TXK: variants seen among roughly 807,000 people sequenced by gnomAD.
TXK encodes tyrosine-protein kinase TXK.
TXK carries 60 observed loss-of-function variants against 81.0 expected under a neutral mutation model. The ratio of observed to expected loss-of-function variants is 0.74; its 90% CI spans 0.60 to 0.92. The LOEUF is 0.92. Among genes scored for constraint, TXK ranks in the 40% least tolerant of loss-of-function variants. The pLI is 0.00. For missense variants in TXK, 581 were observed against 638.3 expected, an observed-to-expected ratio of 0.91 and a Z score of 0.97; for synonymous variants, 203 against 210.7, an observed-to-expected ratio of 0.96 and a Z score of 0.32.
rs138023684 is a variant in TXK, at chr4:48,086,310, C to T, written c.956+156G>A. On this transcript the variant is annotated intron_variant, in intron 10 of 14. Transcript: ENST00000264316. Reference sequence around the variant, plus strand: ...GGCTTGGAAAGGTGAAATAATTCACCCAGGTCACACAGTGGTCAAATAATG... The same window carrying T: ...GGCTTGGAAAGGTGAAATAATTCACTCAGGTCACACAGTGGTCAAATAATG... 3.1e-3 allele frequency among the ~76,000 whole-genome samples: 470 copies of T among 152,236 alleles called. 3 individuals carry two copies. Among genetic ancestry groups the T allele is most frequent in the Non-Finnish European group, 5.3e-3 (358 of 68,028 alleles).
At chr4:48,092,772 C>T (rs754128459) in intron 8 of TXK, among the ~76,000 whole-genome samples, 1 of 152,156 alleles carries the variant, frequency 6.6e-6, no homozygotes, top group Non-Finnish European at 1.5e-5. Flanking sequence ...GGCATGCCCT[C>T]ACTACTACTG....
intron 1 of TXK, among the ~76,000 whole-genome samples, chr4:48,132,548 C>T (rs1320659147): frequency 6.6e-6 from 1 of 152,160 alleles, no homozygotes; most frequent in Non-Finnish European, 1.5e-5. Context: ...TACACACACT[C>T]CCTTTGAGAG....
chr4:48,120,577 G>C (rs532788915), intron 1 of TXK, among the ~76,000 whole-genome samples: 2 of 150,972 alleles, frequency 1.3e-5, no homozygotes, highest in African/African-American at 2.4e-5. Flanking sequence ...TGCAATCTCC[G>C]GCTCCCAGGT....
chr4:48,128,497 T>C (rs1310512211), intron 1 of TXK, among the ~76,000 whole-genome samples: 3 of 151,654 alleles, frequency 2.0e-5, no homozygotes, highest in Non-Finnish European at 2.9e-5. Flanking sequence ...TGTTTTTTTT[T>C]CCAGAAATTT....
intron 14 of TXK, among the ~76,000 whole-genome samples, chr4:48,069,146 T>A (rs951540933): frequency 2.0e-5 from 3 of 151,926 alleles, no homozygotes; most frequent in Non-Finnish European, 4.4e-5. Flanking sequence ...GAAAAAATTT[T>A]AAAAAATTAG....
At chr4:48,076,303 C>T in intron 12 of TXK, 99 bp downstream of exon 12, 1 of 914,602 alleles carries the variant, frequency 1.1e-6, no homozygotes, top group Non-Finnish European at 1.6e-6. Flanking sequence ...GATAAAAACA[C>T]AGCCTGCAGC....
At chr4:48,118,603 C>G (rs577529437) in intron 1 of TXK, among the ~76,000 whole-genome samples, 5 of 152,146 alleles carry the variant, frequency 3.3e-5, no homozygotes, top group Admixed American at 1.3e-4. Context: ...TTAGTCTTTA[C>G]CAGTAGAAAG....
At chr4:48,129,174 A>T (rs1719175745) in intron 1 of TXK, among the ~76,000 whole-genome samples, 1 of 152,142 alleles carries the variant, frequency 6.6e-6, no homozygotes, top group African/African-American at 2.4e-5. Flanking sequence ...CCCTTTATAC[A>T]TTTGGGGTCT....
chr4:48,131,424 ATCT>A (rs1719245218), intron 1 of TXK, among the ~76,000 whole-genome samples: 2 of 149,830 alleles, frequency 1.3e-5, no homozygotes, highest in African/African-American at 2.4e-5. Flanking sequence ...AGCTTAAGCA[ATCT>A]TCTTCGCTGG....
rs748470463 is a variant in TXK, at chr4:48,071,535, C to T, written c.1497G>A (p.Met499Ile). ...TGCTTACCTCATGCCAGCAGCTGTA[C>T]ATGACTTCATATATGGACATTGGTG... ...HLAPMSIYEV[M>I]YSCWHEKPEG... The change falls in exon 14 of 15, where the codon ATG becomes ATA. Residue 499 changes from methionine (M) to isoleucine (I), a missense_variant. By Grantham distance (10) the Met-to-Ile change is conservative. Transcript: ENST00000264316. 1 of 1,614,010 alleles carries T rather than the reference C, an allele frequency of 6.2e-7. No homozygotes were observed. The highest frequency in any genetic ancestry group is 8.5e-7 in the Non-Finnish European group (1 of 1,179,976).
At chr4:48,126,403 A>G (rs1719092287) in intron 1 of TXK, among the ~76,000 whole-genome samples, 1 of 152,208 alleles carries the variant, frequency 6.6e-6, no homozygotes. Context: ...ATCAACATTT[A>G]TGTTATTGAG....
At chr4:48,083,317 T>A (rs1405633690) in intron 10 of TXK, among the ~76,000 whole-genome samples, 1 of 152,218 alleles carries the variant, frequency 6.6e-6, no homozygotes, top group Admixed American at 6.5e-5. Context: ...GTCCTGCAAG[T>A]GGGGGCCAGA....
chr4:48,095,116 A>T (rs374960748), intron 7 of TXK, 27 bp downstream of exon 7: 1 of 1,546,066 alleles, frequency 6.5e-7, no homozygotes. Flanking sequence ...GATTATTTCT[A>T]TAGTAACCAA....
intron 5 of TXK, among the ~76,000 whole-genome samples, chr4:48,110,193 G>A (rs1038986149): frequency 1.3e-5 from 2 of 152,044 alleles, no homozygotes; most frequent in African/African-American, 4.8e-5. Flanking sequence ...CCAAAATATA[G>A]TACTTTATCT....
rs770577190 is a variant in TXK, at chr4:48,076,392, T to C, written c.1238+10A>G. Reference sequence around the variant, plus strand: ...CAAACAAAATACATATATATATACATAGCATGTACCTTGTCATTCCAAAGT... The same window carrying C: ...CAAACAAAATACATATATATATACACAGCATGTACCTTGTCATTCCAAAGT... On this transcript the variant is annotated intron_variant, in intron 12 of 14. Coordinates refer to ENST00000264316, the MANE Select transcript of TXK (RefSeq NM_003328.3). 3 of 1,580,930 alleles carry C rather than the reference T, an allele frequency of 1.9e-6. No homozygotes were observed. Among genetic ancestry groups the C allele is most frequent in the Non-Finnish European group, 2.6e-6 (3 of 1,154,016 alleles).
At chr4:48,084,452 T>G (rs1313126379) in intron 10 of TXK, among the ~76,000 whole-genome samples, 4 of 152,168 alleles carry the variant, frequency 2.6e-5, no homozygotes, top group Middle Eastern at 3.2e-3. Context: ...ACATTAAACA[T>G]CTTCAATTCT....
chr4:48,110,721 T>G, intron 4 of TXK, 118 bp from the exon 5 acceptor site: 1 of 745,190 alleles, frequency 1.3e-6, no homozygotes, highest in Middle Eastern at 2.5e-4. Context: ...TTTTACTGAT[T>G]AAATTGTTAA....
At chr4:48,121,010 C>G (rs1469852571) in intron 1 of TXK, among the ~76,000 whole-genome samples, 1 of 152,234 alleles carries the variant, frequency 6.6e-6, no homozygotes, top group East Asian at 1.9e-4. Flanking sequence ...TGCTCCTTGT[C>G]AGTCTCCTTT....
In TXK at chr4:48,066,565, C is replaced by T. The variant is rs887519799; in HGVS notation, c.*1072G>A. ...AACCATGATACAGGGTGGGACAGTA[C>T]GCAAATAATGGGCTCCTGTTGTCAG... On this transcript the variant is annotated 3_prime_UTR_variant, in exon 15 of 15. Coordinates refer to ENST00000264316, the MANE Select transcript of TXK (RefSeq NM_003328.3). 2 of 152,140 alleles carry T rather than the reference C, an allele frequency of 1.3e-5. No homozygotes were observed. The highest frequency in any genetic ancestry group is 4.8e-5 in the African/African-American group (2 of 41,440). The allele number at this position is 152,140 out of a possible 1,614,324, so 9.4% of individuals were successfully genotyped here.
Sources: gnomAD v4.1 joint callset for allele counts (sites outside exome capture counted in the v4.1 genomes callset) on GRCh38, gnomAD v4.1.1 for gene constraint, MANE v1.5 for transcripts, NCBI Gene and HGNC (gene_info 2026-07-23, HGNC 2026-07-21) for gene names.